CCDC92B: variants seen among roughly 807,000 people sequenced by gnomAD.
CCDC92B encodes the protein coiled-coil domain containing 92B.
Under a neutral mutation model 5.6 loss-of-function variants are expected in CCDC92B, and 2 were observed. The ratio of observed to expected loss-of-function variants is 0.36; its 90% CI spans 0.15 to 1.12. The LOEUF is 1.12. Ranked by LOEUF, CCDC92B falls within the 50% of genes most tolerant of loss-of-function variation. The pLI is 0.40. For missense variants in CCDC92B, 271 were observed against 262.2 expected, an observed-to-expected ratio of 1.03 and a Z score of -0.23; for synonymous variants, 115 against 122.3, an observed-to-expected ratio of 0.94 and a Z score of 0.39.
chr17:2,744,956 C>T (rs568264498), intron 1 of CCDC92B, among the ~76,000 whole-genome samples: 2 of 147,542 alleles, frequency 1.4e-5, no homozygotes, highest in Admixed American at 7.1e-5. Context: ...GTGGTCCCAG[C>T]GTGGAGGCTG....
Position 2,723,847 on chromosome 17 carries a change from T to C in CCDC92B, c.*564A>G. The C allele has an allele frequency of 1.8e-6, 1 of 564,302 alleles. No individual in the cohort carries two copies. Among genetic ancestry groups the C allele is most frequent in the Non-Finnish European group, 2.2e-6 (1 of 444,644 alleles). 35.0% of individuals were successfully genotyped at this position (564,302 alleles called of 1,614,324 possible). The stretch of plus-strand genomic sequence containing the variant: ...CTCTGGGAGGACGTGTCTTCTAAAG[T>C]GTTCCGTGCTCACCTGCAAGGACCT... On this transcript the variant is annotated 3_prime_UTR_variant, in exon 4 of 4. Transcript: ENST00000614400.
intron 1 of CCDC92B, among the ~76,000 whole-genome samples, chr17:2,738,012 T>G (rs1469874202): frequency 6.6e-6 from 1 of 151,894 alleles, no homozygotes; most frequent in Non-Finnish European, 1.5e-5. Context: ...GTCTTACGAA[T>G]CCAGAGAAGG....
At position 2,724,539 on chromosome 17, in the gene CCDC92B, G is replaced by A. The variant is rs1157913767; in HGVS notation, c.640C>T (p.Leu214Phe). ...ADPMPDPALF[L>F]YARRPLRPSA... is the part of the protein sequence containing the mutation. ...GGCCGCAGCGGCCTGCGTGCATAGA[G>A]GAAGAGCGCGGGGTCGGGCATGGGG... Residue 214 changes from leucine (L) to phenylalanine (F), a missense_variant, in exon 4 of 4, where the codon CTC (leucine) becomes TTC (phenylalanine). Transcript: ENST00000614400. The surrounding 1 kb of genome is among the most constrained non-coding windows in gnomAD (Gnocchi z 5.0). The A allele has an allele frequency of 2.0e-6, 2 of 982,510 alleles. No homozygotes were observed. Among genetic ancestry groups the A allele is most frequent in the East Asian group, 2.3e-4 (2 of 8,728 alleles). 60.9% of individuals were successfully genotyped at this position (982,510 alleles called of 1,614,324 possible).
Position 2,724,819 on chromosome 17 carries a change from G to A in CCDC92B, c.360C>T (p.Ser120=), listed in dbSNP as rs2070706273. 7 of 984,856 alleles carry A rather than the reference G, an allele frequency of 7.1e-6. No homozygotes were observed. The highest frequency in any genetic ancestry group is 8.4e-6 in the Non-Finnish European group (7 of 829,750). 61.0% of individuals were successfully genotyped at this position (984,856 alleles called of 1,614,324 possible). Residue 120 remains serine, a synonymous_variant, in exon 4 of 4, where the codon AGC becomes AGT. Transcript: ENST00000614400. The surrounding 1 kb of genome is among the most constrained non-coding windows in gnomAD (Gnocchi z 5.0). ...CGGTGCCCAGCACGGTGGCGCGGTG[G>A]CTGCGGCGGCGCAGCTCCTCCAGGA... ...RRFLEELRRR[S]HRATVLGTEL... is the part of the protein sequence containing the mutation.
chr17:2,724,622 C>A lies in CCDC92B; in HGVS notation c.557G>T (p.Gly186Val), dbSNP rs2070702573. The stretch of plus-strand genomic sequence containing the variant: ...CCAGGCGGCCCAGTCCCGGCCGGGG[C>A]CCTTGGCGGCGGCCTCGTGGGCAGC... ...PPAAHEAAAKGPGRDWAAWDR... is the reference protein window; with the variant it reads ...PPAAHEAAAKVPGRDWAAWDR... Residue 186 changes from glycine (G) to valine (V), a missense_variant, in exon 4 of 4, where the codon GGC becomes GTC. Gly to Val is a moderately radical substitution (Grantham distance 109). Transcript: ENST00000614400. This position sits in a 1 kb window ranked among gnomAD's most constrained non-coding sequence, Gnocchi z 5.0. 19 of 981,728 alleles carry A rather than the reference C, an allele frequency of 1.9e-5. No homozygotes were observed. The highest frequency in any genetic ancestry group is 2.2e-5 in the Non-Finnish European group (18 of 828,252). The allele number at this position is 981,728 out of a possible 1,614,324, so 60.8% of individuals were successfully genotyped here.
chr17:2,733,121 G>A (rs1231741851), intron 2 of CCDC92B, among the ~76,000 whole-genome samples: 1 of 151,444 alleles, frequency 6.6e-6, no homozygotes, highest in Non-Finnish European at 1.5e-5. Context: ...GCATGGCGTG[G>A]GTGAGGGCGC....
intron 2 of CCDC92B, among the ~76,000 whole-genome samples, chr17:2,730,836 C>G (rs536784809): frequency 6.6e-6 from 1 of 152,108 alleles, no homozygotes; most frequent in Non-Finnish European, 1.5e-5. Context: ...ATCTGCCTTT[C>G]CTGGGGTGAT....
intron 1 of CCDC92B, among the ~76,000 whole-genome samples, chr17:2,742,966 C>T (rs2070939926): frequency 6.6e-6 from 1 of 152,164 alleles, no homozygotes. Context: ...GTTTGCTCTA[C>T]CTTCAAAAAA....
chr17:2,729,439 A>G (rs1476243206), intron 3 of CCDC92B, among the ~76,000 whole-genome samples: 3 of 144,236 alleles, frequency 2.1e-5, no homozygotes, highest in Non-Finnish European at 3.0e-5. Flanking sequence ...GGTTGCAGTG[A>G]GCCGAGATCG....
intron 1 of CCDC92B, among the ~76,000 whole-genome samples, chr17:2,738,964 G>A (rs908712770): frequency 2.0e-5 from 3 of 151,560 alleles, no homozygotes; most frequent in Non-Finnish European, 4.4e-5. Flanking sequence ...CCAGCTACTC[G>A]GGAGGTTGAC....
chr17:2,748,307 A>G (rs2071011531), intron 1 of CCDC92B: 5 of 1,220,808 alleles, frequency 4.1e-6, no homozygotes, highest in Non-Finnish European at 5.4e-6. Context: ...GACTTTTACC[A>G]TGAAGCCATC....
At chr17:2,739,604 C>T (rs2070903795) in intron 1 of CCDC92B, among the ~76,000 whole-genome samples, 2 of 151,860 alleles carry the variant, frequency 1.3e-5, no homozygotes, top group South Asian at 4.2e-4. Flanking sequence ...ACGGCGTGAA[C>T]CCGGGAGGTG....
intron 1 of CCDC92B, among the ~76,000 whole-genome samples, chr17:2,746,773 C>A (rs2070992037): frequency 6.6e-6 from 1 of 152,098 alleles, no homozygotes; most frequent in Non-Finnish European, 1.5e-5. Context: ...TGGGTTCAAG[C>A]AATTCTTCTG....
intron 2 of CCDC92B, among the ~76,000 whole-genome samples, chr17:2,731,624 G>T (rs1487715889): frequency 1.3e-5 from 2 of 152,220 alleles, no homozygotes; most frequent in Non-Finnish European, 2.9e-5. Context: ...CTTTGCCAGA[G>T]GTGCCTTCTC....
chr17:2,747,117 G>T (rs1388261344), intron 1 of CCDC92B, among the ~76,000 whole-genome samples: 2 of 152,166 alleles, frequency 1.3e-5, no homozygotes, highest in Non-Finnish European at 2.9e-5. Context: ...GAGGTCGCTG[G>T]AAGAGGAACC....
Position 2,724,421 on chromosome 17 carries a change from T to C in CCDC92B, c.758A>G (p.Asp253Gly). 2.0e-6 allele frequency: 2 copies of C among 984,348 alleles called. No individual in the cohort carries two copies. The highest frequency in any genetic ancestry group is 2.4e-6 in the Non-Finnish European group (2 of 829,614). 61.0% of individuals were successfully genotyped at this position (984,348 alleles called of 1,614,324 possible). A position where few individuals can be genotyped will look rare whatever the true frequency, so the allele number is the denominator to read the frequency against. The change falls in exon 4 of 4, where the codon GAC becomes GGC. Residue 253 changes from aspartate (D) to glycine (G), a missense_variant. By Grantham distance (94) the Asp-to-Gly change is moderately conservative. Transcript: ENST00000614400. The surrounding 1 kb of genome is among the most constrained non-coding windows in gnomAD (Gnocchi z 5.0). ...PAPSQPSAPG[D>G]PE ...CGGCCAGCCTGGCGCCTACTCCGGGTCCCCGGGCGCGCTGGGCTGGCTGGG... is the reference window on the plus strand; with the variant it reads ...CGGCCAGCCTGGCGCCTACTCCGGGCCCCCGGGCGCGCTGGGCTGGCTGGG...
chr17:2,738,216 A>T (rs1043069522), intron 1 of CCDC92B, among the ~76,000 whole-genome samples: 6 of 151,760 alleles, frequency 4.0e-5, no homozygotes, highest in African/African-American at 1.2e-4. Context: ...AATTTTTAAA[A>T]TTTTTTGTAG....
At chr17:2,741,977 C>A (rs2070932169) in intron 1 of CCDC92B, among the ~76,000 whole-genome samples, 1 of 145,074 alleles carries the variant, frequency 6.9e-6, no homozygotes, top group African/African-American at 2.6e-5. Context: ...CAGAGCAAGA[C>A]TCCATCTCAA....
Position 2,739,238 on chromosome 17 carries a change from G to A in CCDC92B, c.-23-4070C>T, listed in dbSNP as rs531466225. Among the ~76,000 whole-genome samples the A allele has an allele frequency of 1.5e-4, 22 of 150,164 alleles. 1 individual carries two copies. Among genetic ancestry groups the A allele is most frequent in the African/African-American group, 5.2e-4 (21 of 40,264 alleles). On this transcript the variant is annotated intron_variant, in intron 1 of 3. Coordinates refer to ENST00000614400, the MANE Select transcript of CCDC92B (RefSeq NM_001355573.2). ...AAAAATTAGCTGGGTGTGGTGGCGGGCGCCTGTAGTCCCAGCTACTCGGGA... is the reference window on the plus strand; with the variant it reads ...AAAAATTAGCTGGGTGTGGTGGCGGACGCCTGTAGTCCCAGCTACTCGGGA...
Sources: gnomAD v4.1 joint callset for allele counts (sites outside exome capture counted in the v4.1 genomes callset) on GRCh38, gnomAD v4.1.1 for gene constraint, Gnocchi (gnomAD v3.1) non-coding constraint, MANE v1.5 for transcripts, NCBI Gene and HGNC (gene_info 2026-07-23, HGNC 2026-07-21) for gene names.